CRY1: variants seen among roughly 807,000 people sequenced by gnomAD.
The protein encoded by CRY1 is cryptochrome-1.
Under a neutral mutation model 76.0 loss-of-function variants are expected in CRY1, and 45 were observed. The observed-to-expected ratio is 0.59, with a 90% CI of 0.47 to 0.76. The LOEUF is 0.76. Among genes scored for constraint, CRY1 ranks in the 30% least tolerant of loss-of-function variants. The pLI, the probability that CRY1 is intolerant of heterozygous loss-of-function variation, is 0.00. For synonymous variants in CRY1, 248 were observed against 244.0 expected (o/e 1.02, Z -0.15); for missense variants, 587 against 716.4 (o/e 0.82, Z 2.06).
At position 107,000,011 on chromosome 12, in the gene CRY1, A is replaced by G. The variant is rs750507750; in HGVS notation, c.756T>C (p.Ser252=). Residue 252 remains serine, a synonymous_variant, in exon 6 of 13, where the codon AGT becomes AGC. Coordinates refer to ENST00000008527, the MANE Select transcript of CRY1 (RefSeq NM_004075.5). ...ACAAACAACCAAATCGGAGATAAGG[A>G]CTAAGTCCAGTAGGGCTTGCAAGCA... ...NSLLASPTGL[S]PYLRFGCLSC... is the part of the protein sequence containing the mutation. 2 of 1,613,272 alleles carry G rather than the reference A, an allele frequency of 1.2e-6. No homozygotes were observed. The highest frequency in any genetic ancestry group is 1.3e-5 in the African/African-American group (1 of 74,904).
chr12:107,071,125 T>G (rs746380364), intron 1 of CRY1, among the ~76,000 whole-genome samples: 1 of 152,318 alleles, frequency 6.6e-6, no homozygotes, highest in South Asian at 2.1e-4. Flanking sequence ...ATACCTTTTA[T>G]ACTGCATTAG....
chr12:107,035,245 T>C (rs1271066173), intron 1 of CRY1, among the ~76,000 whole-genome samples: 2 of 152,228 alleles, frequency 1.3e-5, no homozygotes, highest in African/African-American at 4.8e-5. Context: ...GTTTGAAGTT[T>C]GGCCAATGGT....
chr12:107,028,875 T>A (rs934537565), intron 1 of CRY1, among the ~76,000 whole-genome samples: 1 of 152,206 alleles, frequency 6.6e-6, no homozygotes, highest in African/African-American at 2.4e-5. Context: ...CAAAGTACAA[T>A]CTTTCCTTTA....
intron 2 of CRY1, among the ~76,000 whole-genome samples, chr12:107,009,431 C>G (rs897699318): frequency 6.6e-6 from 1 of 151,380 alleles, no homozygotes; most frequent in African/African-American, 2.4e-5. Flanking sequence ...TCCAGCTACT[C>G]AGGAGGCTGA....
chr12:106,996,691 C>G (rs1952236776), intron 10 of CRY1, among the ~76,000 whole-genome samples: 1 of 152,182 alleles, frequency 6.6e-6, no homozygotes, highest in Non-Finnish European at 1.5e-5. Flanking sequence ...ATTTTTTAAT[C>G]AAATTACTGA....
chr12:107,006,638 C>CTTTT (rs1555275228), intron 2 of CRY1, among the ~76,000 whole-genome samples: 1 of 137,106 alleles, frequency 7.3e-6, no homozygotes, highest in East Asian at 2.2e-4. Context: ...TATTAGTAAT[C>CTTTT]TTTTTTTTTT....
chr12:107,047,400 T>C (rs1952862542), intron 1 of CRY1, among the ~76,000 whole-genome samples: 4 of 152,158 alleles, frequency 2.6e-5, no homozygotes, highest in Admixed American at 1.3e-4. Flanking sequence ...AAGAAGCTTA[T>C]AGCAATAAAC....
chr12:107,040,675 T>A (rs763706292), intron 1 of CRY1, among the ~76,000 whole-genome samples: 3 of 151,946 alleles, frequency 2.0e-5, no homozygotes, highest in Non-Finnish European at 2.9e-5. Flanking sequence ...ACAGGGTAGA[T>A]CTCAATTATT....
chr12:107,047,523 C>T (rs1043323744), intron 1 of CRY1, among the ~76,000 whole-genome samples: 1 of 152,116 alleles, frequency 6.6e-6, no homozygotes, highest in African/African-American at 2.4e-5. Flanking sequence ...ATCATGGAGG[C>T]AGTTCCCACC....
intron 3 of CRY1, 25 bp from the exon 4 acceptor site, chr12:107,001,973 A>G (rs765630447): frequency 4.5e-6 from 7 of 1,542,252 alleles, no homozygotes; most frequent in Non-Finnish European, 6.1e-6. Flanking sequence ...AGTAAAATGT[A>G]GTTAGTATTA....
At chr12:107,045,797 C>T (rs532937574) in intron 1 of CRY1, among the ~76,000 whole-genome samples, 3 of 150,900 alleles carry the variant, frequency 2.0e-5, no homozygotes, top group East Asian at 2.0e-4. Context: ...CATCACACAC[C>T]GGGGCCTGTT....
intron 2 of CRY1, among the ~76,000 whole-genome samples, chr12:107,020,246 T>C (rs1172053684): frequency 1.3e-5 from 2 of 150,984 alleles, no homozygotes; most frequent in African/African-American, 4.9e-5. Flanking sequence ...GGATTGATCT[T>C]CTCATTCACA....
chr12:107,025,857 C>A (rs1301925989), intron 1 of CRY1, among the ~76,000 whole-genome samples: 3 of 151,392 alleles, frequency 2.0e-5, no homozygotes, highest in African/African-American at 7.3e-5. Context: ...TACCTCATAC[C>A]CCTTTCTCTC....
intron 3 of CRY1, among the ~76,000 whole-genome samples, chr12:107,002,947 G>A (rs746899420): frequency 2.0e-5 from 3 of 152,122 alleles, no homozygotes; most frequent in African/African-American, 4.8e-5. Flanking sequence ...CTTCTGAGCC[G>A]TGTGGAATTG....
chr12:107,079,013 A>T (rs953031901), intron 1 of CRY1, among the ~76,000 whole-genome samples: 8 of 152,188 alleles, frequency 5.3e-5, no homozygotes, highest in Non-Finnish European at 1.2e-4. Context: ...CTCTCTTCTA[A>T]CATTCACTCA....
intron 5 of CRY1, 102 bp downstream of exon 5, chr12:107,001,178 C>T (rs1421023849): frequency 3.7e-6 from 3 of 806,694 alleles, no homozygotes; most frequent in East Asian, 2.7e-5. Flanking sequence ...GTTAATCCTC[C>T]CCTTTCAACA....
intron 1 of CRY1, among the ~76,000 whole-genome samples, chr12:107,053,045 C>T (rs1952941406): frequency 6.6e-6 from 1 of 152,096 alleles, no homozygotes; most frequent in African/African-American, 2.4e-5. Flanking sequence ...AACTTGGATA[C>T]ATTTTGAAGG....
At chr12:107,058,416 G>A (rs1468710475) in intron 1 of CRY1, among the ~76,000 whole-genome samples, 2 of 152,034 alleles carry the variant, frequency 1.3e-5, no homozygotes, top group African/African-American at 4.8e-5. Flanking sequence ...CACAATGAAT[G>A]AGCTCAAGTT....
intron 1 of CRY1, among the ~76,000 whole-genome samples, chr12:107,026,162 T>TATATAAA (rs1952612352): frequency 9.1e-5 from 2 of 21,868 alleles, no homozygotes; most frequent in African/African-American, 3.7e-4. Context: ...ATATAAAATA[T>TATATAAA]ATATATATAT....
Sources: gnomAD v4.1 joint callset for allele counts (sites outside exome capture counted in the v4.1 genomes callset) on GRCh38, gnomAD v4.1.1 for gene constraint, MANE v1.5 for transcripts, NCBI Gene and HGNC (gene_info 2026-07-23, HGNC 2026-07-21) for gene names.